Variants in DNAH9 observed in about 807,000 individuals in gnomAD.
DNAH9 encodes the protein dynein axonemal heavy chain 9.
Under a neutral mutation model 471.6 loss-of-function variants are expected in DNAH9, and 345 were observed. The ratio of observed to expected loss-of-function variants is 0.73; its 90% CI spans 0.67 to 0.80. DNAH9 has a LOEUF of 0.80. Ranked by LOEUF, DNAH9 falls within the 30% of genes least tolerant of loss-of-function variation. The probability of loss-of-function intolerance (pLI) is 0.00; values close to 1 mark genes in which losing one functional copy is unlikely to be tolerated. For missense variants in DNAH9, 5,407 were observed against 5,609.2 expected (o/e 0.96, Z 1.15); for synonymous variants, 2,093 against 2,123.6 (o/e 0.99, Z 0.40).
At chr17:11,810,560 A>G (rs1969856587) in intron 45 of DNAH9, among the ~76,000 whole-genome samples, 191 bp downstream of exon 45, 2 of 152,158 alleles carry the variant, frequency 1.3e-5, no homozygotes, top group South Asian at 2.1e-4. Flanking sequence ...TGGCTCTTTC[A>G]TTCTTATTTC....
At chr17:11,864,007 G>A (rs1265582527) in intron 50 of DNAH9, among the ~76,000 whole-genome samples, 4 of 150,714 alleles carry the variant, frequency 2.7e-5, no homozygotes, top group African/African-American at 9.7e-5. Context: ...AGGGTTTTTT[G>A]TGTCTCTATT....
At chr17:11,862,500 C>A (rs1260078507) in intron 50 of DNAH9, among the ~76,000 whole-genome samples, 1 of 137,564 alleles carries the variant, frequency 7.3e-6, no homozygotes, top group Non-Finnish European at 1.6e-5. Context: ...CTTGGCGATG[C>A]GGGCTCTTTT....
chr17:11,661,305 ATTTG>A (rs1476850805), intron 14 of DNAH9, among the ~76,000 whole-genome samples: 1 of 151,660 alleles, frequency 6.6e-6, no homozygotes, highest in Non-Finnish European at 1.5e-5. Context: ...CCTTCAACCT[ATTTG>A]TTTCTTGGAT....
At chr17:11,614,779 A>AG (rs61184702) in intron 4 of DNAH9, among the ~76,000 whole-genome samples, 152,332 of 152,334 alleles carry the variant, frequency 1, 76,165 homozygotes, top group Middle Eastern at 1. Flanking sequence ...AGACGGTGGA[A>AG]GGCAAGCCAG....
intron 59 of DNAH9, among the ~76,000 whole-genome samples, chr17:11,897,061 T>C (rs11651705): frequency 0.74 from 111,915 of 152,172 alleles, 44,553 homozygotes; most frequent in Non-Finnish European, 0.89. Context: ...CGCTCCAGCC[T>C]GGATGGCAAG....
In DNAH9 at chr17:11,727,047, C is replaced by CA. The variant is rs55659834; in HGVS notation, c.5710-741dup. Among the ~76,000 whole-genome samples, 150 of 68,476 alleles carry CA rather than the reference C, an allele frequency of 2.2e-3. 8 individuals carry two copies. The highest frequency in any genetic ancestry group is 8.3e-3 in the African/African-American group (130 of 15,750). The allele number at this position is 68,476 out of a possible 152,430, so 44.9% of individuals were successfully genotyped here. On this transcript the variant is annotated intron_variant, in intron 27 of 68. Coordinates refer to ENST00000262442, the MANE Select transcript of DNAH9 (RefSeq NM_001372.4). The stretch of plus-strand genomic sequence containing the variant: ...TGGGCAACAGAGTGAGACTCCGTCT[C>CA]AAAAAAAAAAAAAAAAAAAAAAAAA...
At chr17:11,864,355 G>T (rs1971966225) in intron 50 of DNAH9, among the ~76,000 whole-genome samples, 1 of 152,186 alleles carries the variant, frequency 6.6e-6, no homozygotes, top group East Asian at 1.9e-4. Flanking sequence ...TTAATCCTGA[G>T]TTCTAGTTTG....
chr17:11,860,374 A>T (rs1206247436), intron 50 of DNAH9, among the ~76,000 whole-genome samples: 1 of 152,152 alleles, frequency 6.6e-6, no homozygotes, highest in Non-Finnish European at 1.5e-5. Context: ...GCTTTGGCTC[A>T]TTCTCAGAGA....
chr17:11,962,538 A>G lies in DNAH9; in HGVS notation c.13233+282A>G, dbSNP rs960538419. 6.6e-6 allele frequency among the ~76,000 whole-genome samples: 1 copy of G among 152,208 alleles called. No homozygotes were observed. The highest frequency in any genetic ancestry group is 1.5e-5 in the Non-Finnish European group (1 of 68,038). On this transcript the variant is annotated intron_variant, in intron 68 of 68. Transcript: ENST00000262442. This position sits in a 1 kb window ranked among gnomAD's most constrained non-coding sequence, Gnocchi z 4.1. Reference sequence around the variant, plus strand: ...CCATTTATTAACTCTGTAACTTTAGATATAGTTTCACCTTTCCAGACCTCA... The same window carrying G: ...CCATTTATTAACTCTGTAACTTTAGGTATAGTTTCACCTTTCCAGACCTCA...
At chr17:11,923,780 A>G (rs1974220008) in intron 61 of DNAH9, 34 bp from the exon 62 acceptor site, 1 of 1,610,282 alleles carries the variant, frequency 6.2e-7, no homozygotes, top group African/African-American at 1.3e-5. Context: ...ATTAGACACA[A>G]GAAATAATAA....
chr17:11,747,762 G>T lies in DNAH9; in HGVS notation c.6606G>T (p.Lys2202Asn). ...TCAATCCAGCCACAGGAGAATGGAAGGATGGTAAGAGTGGGATTCTCCCAG... is the reference window on the plus strand; with the variant it reads ...TCAATCCAGCCACAGGAGAATGGAATGATGGTAAGAGTGGGATTCTCCCAG... ...GIINPATGEW[K>N]DGLFSSIMRE... The change falls in exon 32 of 69, where the codon AAG (lysine) becomes AAT (asparagine). Residue 2202 changes from lysine to asparagine, a missense_variant. Coordinates refer to ENST00000262442, the MANE Select transcript of DNAH9 (RefSeq NM_001372.4). 2 of 1,613,018 alleles carry T rather than the reference G, an allele frequency of 1.2e-6. No homozygotes were observed. The highest frequency in any genetic ancestry group is 4.5e-5 in the East Asian group (2 of 44,850).
intron 67 of DNAH9, among the ~76,000 whole-genome samples, chr17:11,952,929 C>A (rs1975444329): frequency 6.6e-6 from 1 of 152,156 alleles, no homozygotes; most frequent in Non-Finnish European, 1.5e-5. Flanking sequence ...CTGGTGAGGG[C>A]TCTCTGCTGG....
chr17:11,788,676 G>T (rs1968958528), intron 41 of DNAH9, among the ~76,000 whole-genome samples: 1 of 151,884 alleles, frequency 6.6e-6, no homozygotes, highest in South Asian at 2.1e-4. Flanking sequence ...GTTACTTTTT[G>T]ACTTAAAGAG....
intron 28 of DNAH9, among the ~76,000 whole-genome samples, chr17:11,737,655 C>T (rs910937872): frequency 6.6e-6 from 1 of 152,204 alleles, no homozygotes; most frequent in Non-Finnish European, 1.5e-5. Context: ...TTCTGCCTCT[C>T]CTCCCACTGC....
intron 6 of DNAH9, among the ~76,000 whole-genome samples, chr17:11,621,370 T>C (rs1464457648): frequency 7.3e-6 from 1 of 137,170 alleles, no homozygotes; most frequent in Non-Finnish European, 1.5e-5. Flanking sequence ...ATCGCGCCAT[T>C]GCACTCCAGC....
chr17:11,722,408 A>G (rs556784094), intron 27 of DNAH9, among the ~76,000 whole-genome samples: 197 of 152,330 alleles, frequency 1.3e-3, no homozygotes, highest in Non-Finnish European at 2.2e-3. Context: ...GGAAGCAGGA[A>G]TAGGTTTTGG....
At chr17:11,817,226 G>A (rs1230490503) in intron 45 of DNAH9, among the ~76,000 whole-genome samples, 2 of 152,112 alleles carry the variant, frequency 1.3e-5, no homozygotes, top group Admixed American at 6.5e-5. Flanking sequence ...CGAGAATATT[G>A]TCAAGAAGGA....
At chr17:11,920,826 A>T (rs1366530824) in intron 61 of DNAH9, among the ~76,000 whole-genome samples, 1 of 151,850 alleles carries the variant, frequency 6.6e-6, no homozygotes, top group African/African-American at 2.4e-5. Flanking sequence ...ATAAAACCAG[A>T]TGACATGTGC....
intron 37 of DNAH9, among the ~76,000 whole-genome samples, chr17:11,768,892 G>T (rs967025407): frequency 2.6e-5 from 4 of 152,274 alleles, no homozygotes; most frequent in Admixed American, 2.0e-4. Context: ...AAAGAGGCCC[G>T]GGTGGTAGAG....
Sources: allele counts gnomAD v4.1 joint callset (sites outside exome capture counted in the v4.1 genomes callset), GRCh38; gene constraint gnomAD v4.1.1; non-coding constraint Gnocchi (gnomAD v3.1); transcripts MANE v1.5; gene names NCBI Gene and HGNC (gene_info 2026-07-23, HGNC 2026-07-21).